The following MAP3K9 variants were observed in gnomAD, a reference collection of about 807,000 sequenced individuals.
The protein encoded by MAP3K9 is mitogen-activated protein kinase kinase kinase 9.
In MAP3K9, 46 loss-of-function variants were observed where a neutral mutation model predicts 95.8. The ratio of observed to expected loss-of-function variants is 0.48; its 90% CI spans 0.38 to 0.61. The LOEUF (loss-of-function observed/expected upper bound fraction) is 0.61, where lower values mean the gene tolerates loss of function less well. Ranked by LOEUF, MAP3K9 falls within the 20% of genes least tolerant of loss-of-function variation. MAP3K9 has a pLI of 0.00. For synonymous variants in MAP3K9, 533 were observed against 593.8 expected, an observed-to-expected ratio of 0.90 and a Z score of 1.49; for missense variants, 1,296 against 1,474.3, an observed-to-expected ratio of 0.88 and a Z score of 1.98.
chr14:70,734,423 G>GCTA lies in MAP3K9; in HGVS notation c.1986_1988dup (p.Ser663dup). ...GGCTGGTGAACCCTGGCAGGGCCGGGCTACTCCTTGGGCCCTTCACCAGGT... is the reference window on the plus strand; with the variant it reads ...GGCTGGTGAACCCTGGCAGGGCCGGGCTACTACTCCTTGGGCCCTTCACCAGGT... On this transcript the variant is annotated inframe_insertion, in exon 10 of 12. Transcript: ENST00000554752. 1 of 1,614,084 alleles carries GCTA rather than the reference G, an allele frequency of 6.2e-7. No homozygotes were observed. Among genetic ancestry groups the GCTA allele is most frequent in the Non-Finnish European group, 8.5e-7 (1 of 1,179,924 alleles).
chr14:70,794,343 C>G (rs556248140), intron 2 of MAP3K9, among the ~76,000 whole-genome samples: 3 of 152,338 alleles, frequency 2.0e-5, no homozygotes, highest in Non-Finnish European at 4.4e-5. Flanking sequence ...AAAGAAGGTA[C>G]AGGCAGGGGA....
At chr14:70,747,388 A>C (rs1404333694) in intron 5 of MAP3K9, among the ~76,000 whole-genome samples, 6 of 152,158 alleles carry the variant, frequency 3.9e-5, no homozygotes, top group Admixed American at 3.9e-4. Flanking sequence ...CACCATGTGA[A>C]GAAGGACCTG....
rs1489351655 is a variant in MAP3K9 at position 70,730,360 on chromosome 14, C to T, written c.*20G>A. ...CATCTCCGCTGGCTGTCCCCCTTGC[C>T]CGCCCCAATCCTTTTCGTGCTAAGA... On this transcript the variant is annotated 3_prime_UTR_variant, in exon 12 of 12. Coordinates refer to ENST00000554752, the MANE Select transcript of MAP3K9 (RefSeq NM_001284230.2). 8 of 1,587,940 alleles carry T rather than the reference C, an allele frequency of 5.0e-6. No homozygotes were observed. The highest frequency in any genetic ancestry group is 6.9e-6 in the Non-Finnish European group (8 of 1,161,274).
At chr14:70,801,729 G>C (rs7151024) in intron 1 of MAP3K9, among the ~76,000 whole-genome samples, 30,343 of 152,216 alleles carry the variant, frequency 0.2, 3,401 homozygotes, top group South Asian at 0.38. Context: ...GAGCACTAAG[G>C]GGGTGAGTGG....
chr14:70,758,348 T>C (rs978298800), intron 3 of MAP3K9, among the ~76,000 whole-genome samples: 1 of 152,064 alleles, frequency 6.6e-6, no homozygotes, highest in Non-Finnish European at 1.5e-5. Flanking sequence ...CTATTTCATA[T>C]CCACAAGGAT....
At chr14:70,743,301 T>C (rs1331217061) in intron 5 of MAP3K9, among the ~76,000 whole-genome samples, 2 of 152,016 alleles carry the variant, frequency 1.3e-5, no homozygotes, top group African/African-American at 2.4e-5. Context: ...TTTTTTCTAT[T>C]ATATAAAAGA....
At position 70,736,406 on chromosome 14, in the gene MAP3K9, T is replaced by A. The variant is rs114198102; in HGVS notation, c.1845-377A>T. On this transcript the variant is annotated intron_variant, in intron 8 of 11. Transcript: ENST00000554752. ...TTTGTTCATCACGTGTTTTCTTTAG[T>A]CAAAAGGTACTAAAACCAGAAATAA... 5.7e-3 allele frequency among the ~76,000 whole-genome samples: 866 copies of A among 152,316 alleles called. 10 individuals are homozygous for A. The highest frequency in any genetic ancestry group is 0.019 in the African/African-American group (808 of 41,560).
At position 70,738,498 on chromosome 14, in the gene MAP3K9, G is replaced by A. The variant is rs546698909; in HGVS notation, c.1691-100C>T. ...CACACACACACACACATTTGGAGCTGCAGGGAAGTTAGACCTTATCAAAAA... is the reference window on the plus strand; with the variant it reads ...CACACACACACACACATTTGGAGCTACAGGGAAGTTAGACCTTATCAAAAA... On this transcript the variant is annotated intron_variant, in intron 7 of 11. Transcript: ENST00000554752. 82 of 1,103,962 alleles carry A rather than the reference G, an allele frequency of 7.4e-5. No homozygotes were observed. In the South Asian group the frequency reaches 1.2e-3, roughly 16 times the overall value. 68.4% of individuals were successfully genotyped at this position (1,103,962 alleles called of 1,614,324 possible).
chr14:70,733,102 C>T lies in MAP3K9; in HGVS notation c.2267G>A (p.Cys756Tyr). The stretch of plus-strand genomic sequence containing the variant: ...GCCTGTGGCTGCCAGAACAGCCCCA[C>T]AGCCGAGCAGAGCCACCTCGCAGCG... ...HRRCEVALLG[C>Y]GAVLAATGLG... The change falls in exon 11 of 12, where the codon TGT (cysteine) becomes TAT (tyrosine). Residue 756 changes from cysteine (C) to tyrosine (Y), a missense_variant. Cys to Tyr is a radical substitution (Grantham distance 194). Transcript: ENST00000554752. 2.5e-6 allele frequency: 4 copies of T among 1,614,136 alleles called. No individual in the cohort carries two copies. Among genetic ancestry groups the T allele is most frequent in the Non-Finnish European group, 3.4e-6 (4 of 1,180,018 alleles).
At chr14:70,768,197 T>C (rs2054483339) in intron 2 of MAP3K9, among the ~76,000 whole-genome samples, 1 of 152,170 alleles carries the variant, frequency 6.6e-6, no homozygotes, top group Non-Finnish European at 1.5e-5. Flanking sequence ...AGGGGATGGA[T>C]ATCCCATTTT....
intron 2 of MAP3K9, among the ~76,000 whole-genome samples, chr14:70,798,674 TTCACCGTTTTAGCCGGGATGG>T (rs1420698033): frequency 3.3e-5 from 5 of 151,610 alleles, no homozygotes; most frequent in African/African-American, 1.2e-4. Flanking sequence ...GAGACGGGGT[TTCACCGTTTTAGCCGGGATGG>T]TCTCGATCTC....
chr14:70,787,284 G>A (rs1435990796), intron 2 of MAP3K9, among the ~76,000 whole-genome samples: 4 of 151,870 alleles, frequency 2.6e-5, no homozygotes, highest in African/African-American at 7.3e-5. Flanking sequence ...CAAGACGGGC[G>A]GATCACAAGG....
intron 2 of MAP3K9, among the ~76,000 whole-genome samples, chr14:70,771,618 C>G (rs948136617): frequency 6.6e-6 from 1 of 152,160 alleles, no homozygotes; most frequent in Non-Finnish European, 1.5e-5. Flanking sequence ...GCCCCCATTT[C>G]CCTACCTCTG....
At chr14:70,754,020 G>A (rs957260865) in intron 3 of MAP3K9, among the ~76,000 whole-genome samples, 5 of 152,162 alleles carry the variant, frequency 3.3e-5, no homozygotes, top group African/African-American at 1.2e-4. Context: ...GAGGTGGGCT[G>A]GGGAATGTCT....
chr14:70,733,691 T>C, intron 10 of MAP3K9: 1 of 717,152 alleles, frequency 1.4e-6, no homozygotes, highest in Non-Finnish European at 2.6e-6. Flanking sequence ...TTGCTGGGTG[T>C]GTCTGTGAGG....
Position 70,808,759 on chromosome 14 carries a change from G to C in MAP3K9, c.406+7C>G. On this transcript the variant is annotated splice_region_variant and intron_variant, in intron 1 of 11. Transcript: ENST00000554752. ...CCCCTCCCCGCCCGGCCCCGCCTTC[G>C]CCTTACACTGAATGGGCGGGTAGCA... The C allele has an allele frequency of 6.8e-7, 1 of 1,471,676 alleles. No homozygotes were observed. The allele number at this position is 1,471,676 out of a possible 1,614,324, so 91.2% of individuals were successfully genotyped here.
chr14:70,786,286 C>T (rs1193622855), intron 2 of MAP3K9, among the ~76,000 whole-genome samples: 1 of 152,138 alleles, frequency 6.6e-6, no homozygotes. Context: ...AAACAACTCT[C>T]TATCACACAA....
intron 3 of MAP3K9, among the ~76,000 whole-genome samples, chr14:70,750,837 A>C (rs747429759): frequency 6.6e-6 from 1 of 152,174 alleles, no homozygotes; most frequent in Admixed American, 6.5e-5. Flanking sequence ...CAGCCTCCCA[A>C]GTATAATTTT....
intron 1 of MAP3K9, among the ~76,000 whole-genome samples, chr14:70,808,454 G>A (rs2055018421): frequency 6.6e-6 from 1 of 151,746 alleles, no homozygotes; most frequent in Non-Finnish European, 1.5e-5. Flanking sequence ...GGGTGGGTAA[G>A]AGAAGGGACT....
Sources: allele counts gnomAD v4.1 joint callset (sites outside exome capture counted in the v4.1 genomes callset), GRCh38; gene constraint gnomAD v4.1.1; transcripts MANE v1.5; gene names NCBI Gene and HGNC (gene_info 2026-07-23, HGNC 2026-07-21).